FAAH2: variants seen among roughly 807,000 people sequenced by gnomAD.
FAAH2 encodes fatty-acid amide hydrolase 2.
Under a neutral mutation model 36.9 loss-of-function variants are expected in FAAH2, and 60 were observed. The observed-to-expected ratio is 1.63, with a 90% confidence interval of 1.32 to 2.02. FAAH2 has a LOEUF of 2.02. Among genes scored for constraint, FAAH2 ranks in the 30% most tolerant of loss-of-function variants. The pLI, the probability that FAAH2 is intolerant of heterozygous loss-of-function variation, is 0.00. For synonymous variants in FAAH2, 214 were observed against 143.8 expected, an observed-to-expected ratio of 1.49 and a Z score of -3.49; for missense variants, 689 against 397.5, an observed-to-expected ratio of 1.73 and a Z score of -6.23.
chrX:57,410,822 T>A, intron 7 of FAAH2, among the ~76,000 whole-genome samples: 1 of 112,116 alleles, frequency 8.9e-6, no homozygotes, highest in Non-Finnish European at 1.9e-5. Context: ...TTTGTTTGTG[T>A]ATCATTTTCC....
intron 2 of FAAH2, among the ~76,000 whole-genome samples, chrX:57,299,384 G>T (rs190818636): frequency 0.011 from 1,262 of 111,601 alleles, 8 homozygotes; most frequent in Non-Finnish European, 0.017. Context: ...ATGCAGAAAA[G>T]GCCTTTGACA....
intron 7 of FAAH2, among the ~76,000 whole-genome samples, chrX:57,406,897 C>T (rs994264691): frequency 1.8e-5 from 2 of 112,605 alleles, no homozygotes; most frequent in African/African-American, 6.5e-5. Context: ...TTGCACCAGC[C>T]CCCAGTGGGA....
chrX:57,190,983 C>T, the FAAH2 span, among the ~76,000 whole-genome samples: 1 of 111,377 alleles, frequency 9.0e-6, no homozygotes, highest in South Asian at 3.8e-4. Context: ...TACTGATGTC[C>T]TTTCTTTGGG....
chrX:57,336,778 C>G (rs1377870033), intron 4 of FAAH2, among the ~76,000 whole-genome samples: 1 of 110,764 alleles, frequency 9.0e-6, no homozygotes, highest in Admixed American at 9.6e-5. Context: ...GCACTAAATC[C>G]CCACATCAAA....
At chrX:57,455,709 G>A (rs1349506631) in intron 10 of FAAH2, among the ~76,000 whole-genome samples, 1 of 111,808 alleles carries the variant, frequency 8.9e-6, no homozygotes, top group Non-Finnish European at 1.9e-5. Flanking sequence ...AGACAAAGAA[G>A]GGTAATACTT....
the FAAH2 span, among the ~76,000 whole-genome samples, chrX:57,208,873 G>A: frequency 8.0e-5 from 9 of 112,289 alleles, no homozygotes; most frequent in African/African-American, 2.3e-4. Context: ...GTTCAGGAAT[G>A]CCTTCAGCAG....
At chrX:57,421,062 G>A (rs1482144805) in intron 7 of FAAH2, among the ~76,000 whole-genome samples, 1 of 111,925 alleles carries the variant, frequency 8.9e-6, no homozygotes, top group Admixed American at 9.5e-5. Context: ...ACTCTTCCCA[G>A]CCTCTGGTAA....
At chrX:57,407,175 G>A (rs778478091) in intron 7 of FAAH2, among the ~76,000 whole-genome samples, 5 of 112,001 alleles carry the variant, frequency 4.5e-5, no homozygotes, top group African/African-American at 9.7e-5. Flanking sequence ...CTTATTTGTC[G>A]AAGTCAGAGC....
At chrX:57,341,465 A>T in intron 5 of FAAH2, 75 bp downstream of exon 5, 1 of 1,064,132 alleles carries the variant, frequency 9.4e-7, no homozygotes, top group Non-Finnish European at 1.3e-6. Context: ...TTCTAGCAGG[A>T]TTATCTTGCT....
rs753590429 is a variant in FAAH2, at chrX:57,378,693, C to A, written c.785C>A (p.Ala262Asp). The change falls in exon 6 of 11, where the codon GCC becomes GAC. Residue 262 changes from alanine (A) to aspartate (D), a missense_variant. Transcript: ENST00000374900. ...GGTCAGTTTCCCTTGGCTGTGGGAG[C>A]CCAGGAGTTGTTTCTGTGCACTGGT... Reference protein sequence around the residue: ...NKGQFPLAVGAQELFLCTGPM... With the variant: ...NKGQFPLAVGDQELFLCTGPM... 6 of 1,208,953 alleles carry A rather than the reference C, an allele frequency of 5.0e-6. No individual in the cohort carries two copies. The highest frequency in any genetic ancestry group is 3.0e-5 in the East Asian group (1 of 33,695).
At chrX:57,279,143 A>C in the FAAH2 span, among the ~76,000 whole-genome samples, 1 of 112,297 alleles carries the variant, frequency 8.9e-6, no homozygotes, top group Non-Finnish European at 1.9e-5. Flanking sequence ...ATGATAAAGA[A>C]ACATGAACAC....
chrX:57,393,505 G>T, intron 7 of FAAH2: 1 of 972,188 alleles, frequency 1.0e-6, no homozygotes, highest in Non-Finnish European at 1.5e-6. Flanking sequence ...CAATGATAGA[G>T]GAATTGCCGT....
At chrX:57,311,796 C>T (rs1023430864) in intron 3 of FAAH2, among the ~76,000 whole-genome samples, 2 of 112,066 alleles carry the variant, frequency 1.8e-5, no homozygotes, top group African/African-American at 3.2e-5. Context: ...TGAGTACTTT[C>T]CTAGCTAGCC....
At chrX:57,223,902 C>T in the FAAH2 span, among the ~76,000 whole-genome samples, 1 of 111,618 alleles carries the variant, frequency 9.0e-6, no homozygotes, top group Non-Finnish European at 1.9e-5. Flanking sequence ...TCTCCACACA[C>T]CCTATAGGCC....
the FAAH2 span, among the ~76,000 whole-genome samples, chrX:57,268,727 A>C: frequency 9.0e-6 from 1 of 111,723 alleles, no homozygotes; most frequent in African/African-American, 3.2e-5. Context: ...ATTCCAACTC[A>C]GAATTTCTTT....
At chrX:57,398,886 T>G (rs1187321920) in intron 7 of FAAH2, among the ~76,000 whole-genome samples, 1 of 111,466 alleles carries the variant, frequency 9.0e-6, no homozygotes, top group African/African-American at 3.3e-5. Context: ...TGTCTCTCAG[T>G]CACACCCTCT....
chrX:57,288,642 G>A (rs760007064), intron 1 of FAAH2, among the ~76,000 whole-genome samples: 131 of 110,435 alleles, frequency 1.2e-3, no homozygotes, highest in African/African-American at 4.0e-3. Flanking sequence ...GAGCCACTGC[G>A]CCCGGCCTTA....
chrX:57,135,700 G>C, the FAAH2 span: 3 of 1,114,560 alleles, frequency 2.7e-6, no homozygotes, highest in African/African-American at 5.6e-5. Context: ...AGTTAATGCT[G>C]GCAAAGATGT....
At chrX:57,152,959 G>A in the FAAH2 span, among the ~76,000 whole-genome samples, 1 of 108,782 alleles carries the variant, frequency 9.2e-6, no homozygotes, top group Admixed American at 9.6e-5. Flanking sequence ...GCTGTCAGTG[G>A]ACTTTTGAAA....
Sources: allele counts gnomAD v4.1 joint callset (sites outside exome capture counted in the v4.1 genomes callset), GRCh38; gene constraint gnomAD v4.1.1; transcripts MANE v1.5; gene names NCBI Gene and HGNC (gene_info 2026-07-23, HGNC 2026-07-21).